Variants in PALB2 observed in about 807,000 individuals in gnomAD.
The protein encoded by PALB2 is mutant partner and localizer of BRCA2.
In PALB2, 82 loss-of-function variants were observed where a neutral mutation model predicts 107.4. That is an observed-to-expected ratio of 0.76 (90% CI 0.64 to 0.92). The LOEUF is 0.92. Among genes scored for constraint, PALB2 ranks in the 40% least tolerant of loss-of-function variants. PALB2 has a pLI of 0.00. For synonymous variants in PALB2, 489 were observed against 496.8 expected, an observed-to-expected ratio of 0.98 and a Z score of 0.21; for missense variants, 1,374 against 1,379.9, an observed-to-expected ratio of 1.00 and a Z score of 0.07.
chr16:23,631,265 G>GTGAGA (rs1966874320), intron 4 of PALB2, among the ~76,000 whole-genome samples: 2 of 124,424 alleles, frequency 1.6e-5, no homozygotes, highest in Non-Finnish European at 3.2e-5. Context: ...GGGCGACAGA[G>GTGAGA]TGAGACTCTG....
In PALB2 at chr16:23,622,997, C is replaced by G. The variant is rs876659036; in HGVS notation, c.2968G>C (p.Glu990Gln). The G allele has an allele frequency of 1.9e-6, 3 of 1,614,040 alleles. No homozygotes were observed. The Admixed American group carries it at 5.0e-5, about 27-fold the overall frequency. Residue 990 changes from glutamate to glutamine, a missense_variant, in exon 9 of 13, where the codon GAA becomes CAA. Transcript: ENST00000261584. ...CCATCTTCTGCAAACGTCATGACTT[C>G]TACTTGTTGATCAGAAAGGGTCCCA... ...SSGTLSDQQV[E>Q]VMTFAEDGGG...
intron 4 of PALB2, among the ~76,000 whole-genome samples, chr16:23,631,062 A>C (rs1448960827): frequency 6.7e-6 from 1 of 150,172 alleles, no homozygotes; most frequent in Non-Finnish European, 1.5e-5. Context: ...TCAGGAGTTC[A>C]AGACCAGCCT....
rs1447240234 is a variant in PALB2, at chr16:23,635,566, C to CTCAT, written c.979_980insATGA (p.Cys327TyrfsTer6). ...ATTGTAGGTGAGTTCATTTAGAGAA[C>CTCAT]ATGAAATATTTGCCTCTAAATTAGA... On this transcript the variant is annotated frameshift_variant, in exon 4 of 13. Coordinates refer to ENST00000261584, the MANE Select transcript of PALB2 (RefSeq NM_024675.4). LOFTEE classifies it high-confidence loss of function. The CTCAT allele has an allele frequency of 6.2e-7, 1 of 1,612,864 alleles. No homozygotes were observed. The highest frequency in any genetic ancestry group is 2.2e-5 in the East Asian group (1 of 44,878).
chr16:23,640,961 T>A, intron 1 of PALB2, 149 bp downstream of exon 1: 1 of 865,634 alleles, frequency 1.2e-6, no homozygotes, highest in Non-Finnish European at 1.8e-6. Flanking sequence ...ATTTCCACAT[T>A]TTCATTTTCT....
intron 10 of PALB2, among the ~76,000 whole-genome samples, chr16:23,620,727 T>C (rs1966757381): frequency 6.6e-6 from 1 of 152,188 alleles, no homozygotes; most frequent in African/African-American, 2.4e-5. Flanking sequence ...TTTGGTTATG[T>C]CTCAATTAAT....
intron 9 of PALB2, among the ~76,000 whole-genome samples, 185 bp from the exon 10 acceptor site, chr16:23,621,663 A>G (rs1278701135): frequency 6.6e-6 from 1 of 152,242 alleles, no homozygotes; most frequent in Admixed American, 6.5e-5. Context: ...ATATCTACCT[A>G]GATATGCTGC....
chr16:23,633,665 A>G (rs1165018642), intron 4 of PALB2, among the ~76,000 whole-genome samples: 1 of 152,158 alleles, frequency 6.6e-6, no homozygotes, highest in East Asian at 1.9e-4. Flanking sequence ...AGGCCTTTTC[A>G]TTACATGATG....
At chr16:23,633,107 A>G (rs924405865) in intron 4 of PALB2, among the ~76,000 whole-genome samples, 1 of 152,210 alleles carries the variant, frequency 6.6e-6, no homozygotes, top group African/African-American at 2.4e-5. Flanking sequence ...ACAATAAAAA[A>G]AAACTACTGT....
chr16:23,636,033 C>G lies in PALB2; in HGVS notation c.513G>C (p.Leu171Phe), dbSNP rs1251724216. The change falls in exon 4 of 13, where the codon TTG (leucine) becomes TTC (phenylalanine). Residue 171 changes from leucine (L) to phenylalanine (F), a missense_variant. Transcript: ENST00000261584. ...CCTGTTCCTTTAGTCTTTTCCCAGA[C>G]AATCTGAGTGAATCAGTGCCAAAGA... ...DCVFGTDSLRLSGKRLKEQEE... is the reference protein window; with the variant it reads ...DCVFGTDSLRFSGKRLKEQEE... 6.2e-7 allele frequency: 1 copy of G among 1,614,114 alleles called. No homozygotes were observed. Among genetic ancestry groups the G allele is most frequent in the Non-Finnish European group, 8.5e-7 (1 of 1,180,016 alleles).
chr16:23,617,559 A>C (rs1299309304), intron 10 of PALB2: 2 of 143,024 alleles, frequency 1.4e-5, no homozygotes, highest in African/African-American at 5.5e-5. Flanking sequence ...GTCTCTACAA[A>C]AAAAAATTAA....
At chr16:23,639,870 T>C (rs1967170994) in intron 1 of PALB2, among the ~76,000 whole-genome samples, 1 of 152,072 alleles carries the variant, frequency 6.6e-6, no homozygotes, top group Non-Finnish European at 1.5e-5. Flanking sequence ...CTAGACAAGT[T>C]GCCAACCGTA....
At chr16:23,604,208 C>G (rs2142257929) in intron 12 of PALB2, among the ~76,000 whole-genome samples, 1 of 152,314 alleles carries the variant, frequency 6.6e-6, no homozygotes, top group African/African-American at 2.4e-5. Context: ...GGAATTTCCC[C>G]CACAAAAGAT....
At chr16:23,607,542 C>T (rs1966499540) in intron 12 of PALB2, among the ~76,000 whole-genome samples, 1 of 151,846 alleles carries the variant, frequency 6.6e-6, no homozygotes, top group Admixed American at 6.6e-5. Context: ...GCTCTCCTCC[C>T]ACCTTGACCT....
chr16:23,623,160 A>G (rs1416572587), intron 8 of PALB2, 30 bp from the exon 9 acceptor site: 1 of 1,490,428 alleles, frequency 6.7e-7, no homozygotes, highest in Non-Finnish European at 9.3e-7. Flanking sequence ...AAATGGGGTG[A>G]TGTGAGGAGT....
chr16:23,624,439 GCA>G (rs1421665567), intron 7 of PALB2, among the ~76,000 whole-genome samples: 3 of 152,204 alleles, frequency 2.0e-5, no homozygotes, highest in Non-Finnish European at 2.9e-5. Context: ...TCTGTGTAAA[GCA>G]CAGTGTTAGA....
At chr16:23,603,692 T>A (rs369719311) in intron 12 of PALB2, 23 bp from the exon 13 acceptor site, 1 of 1,593,228 alleles carries the variant, frequency 6.3e-7, no homozygotes, top group Non-Finnish European at 8.6e-7. Context: ...AAAGAAGATA[T>A]AATTCAGATT....
chr16:23,619,405 T>A (rs1469726804), intron 10 of PALB2, among the ~76,000 whole-genome samples: 1 of 152,136 alleles, frequency 6.6e-6, no homozygotes, highest in South Asian at 2.1e-4. Flanking sequence ...TAGAGTGCAG[T>A]GGCGCGATCT....
Position 23,624,001 on chromosome 16 carries a change from T to C in PALB2, c.2834+8A>G, listed in dbSNP as rs1378802379. The stretch of plus-strand genomic sequence containing the variant: ...GGAAAAACAAATCACTCCTTGGGAA[T>C]TACATACCTGATCTCTCTGATTTCC... On this transcript the variant is annotated splice_region_variant and intron_variant, in intron 8 of 12. Transcript: ENST00000261584. The C allele has an allele frequency of 1.3e-6, 2 of 1,561,286 alleles. No individual in the cohort carries two copies. Among genetic ancestry groups the C allele is most frequent in the Non-Finnish European group, 1.8e-6 (2 of 1,132,240 alleles).
rs1966855069 is a variant in PALB2, at chr16:23,629,553, C to T, written c.2514+87G>A. On this transcript the variant is annotated intron_variant, in intron 5 of 12. Coordinates refer to ENST00000261584, the MANE Select transcript of PALB2 (RefSeq NM_024675.4). ...TCAAACCATTCTTAAACGTGGAAGG[C>T]CCAATGCGCAAGCAAGTCATGCTGT... 3.1e-6 allele frequency: 4 copies of T among 1,282,442 alleles called. No homozygotes were observed. The South Asian group carries it at 3.6e-5, about 11-fold the overall frequency. 79.4% of individuals were successfully genotyped at this position (1,282,442 alleles called of 1,614,324 possible). A position where few individuals can be genotyped will look rare whatever the true frequency, so the allele number is the denominator to read the frequency against.
Sources: gnomAD v4.1 joint callset for allele counts (sites outside exome capture counted in the v4.1 genomes callset) on GRCh38, gnomAD v4.1.1 for gene constraint, MANE v1.5 for transcripts, NCBI Gene and HGNC (gene_info 2026-07-23, HGNC 2026-07-21) for gene names.